Variants in ANO6 observed in about 807,000 individuals in gnomAD.
ANO6 encodes the protein anoctamin 6.
ANO6 carries 106 observed loss-of-function variants against 117.5 expected under a neutral mutation model. The observed-to-expected ratio is 0.90, with a 90% CI of 0.77 to 1.06. The LOEUF (loss-of-function observed/expected upper bound fraction) is 1.06. ANO6 is among the 50% of genes least tolerant of loss of function. The probability of loss-of-function intolerance (pLI) is 0.00; values close to 1 mark genes in which losing one functional copy is unlikely to be tolerated. For synonymous variants in ANO6, 367 were observed against 385.1 expected, an observed-to-expected ratio of 0.95 and a Z score of 0.55; for missense variants, 955 against 1,121.1, an observed-to-expected ratio of 0.85 and a Z score of 2.12.
At chr12:45,324,360 A>C (rs563233448) in intron 2 of ANO6, among the ~76,000 whole-genome samples, 1 of 152,330 alleles carries the variant, frequency 6.6e-6, no homozygotes, top group East Asian at 1.9e-4. Context: ...AAGGAAGAAA[A>C]GTAATATCTA....
chr12:45,272,864 T>C (rs975926142), intron 1 of ANO6, among the ~76,000 whole-genome samples: 2 of 152,188 alleles, frequency 1.3e-5, no homozygotes, highest in Non-Finnish European at 2.9e-5. Flanking sequence ...TTTGTGTTCA[T>C]TGCAGCATAA....
At chr12:45,356,713 G>T (rs1271929022) in intron 7 of ANO6, among the ~76,000 whole-genome samples, 1 of 152,084 alleles carries the variant, frequency 6.6e-6, no homozygotes, top group East Asian at 1.9e-4. Context: ...AGGGGTGATG[G>T]GGGAAAGAGG....
chr12:45,362,699 T>G (rs1941586058), intron 8 of ANO6, among the ~76,000 whole-genome samples: 1 of 152,164 alleles, frequency 6.6e-6, no homozygotes, highest in African/African-American at 2.4e-5. Flanking sequence ...TTATCTTTTT[T>G]TAGTGGCTTC....
chr12:45,370,690 T>G (rs1273311434), intron 9 of ANO6, among the ~76,000 whole-genome samples: 1 of 152,198 alleles, frequency 6.6e-6, no homozygotes, highest in African/African-American at 2.4e-5. Flanking sequence ...CATTAAAACT[T>G]AATTTGGAGA....
At chr12:45,422,918 A>C (rs1565771959) in intron 18 of ANO6, 39 bp from the exon 19 acceptor site, 1 of 1,467,618 alleles carries the variant, frequency 6.8e-7, no homozygotes, top group Non-Finnish European at 9.6e-7. Flanking sequence ...ATTCAGTCAA[A>C]AAGATTTGTC....
At chr12:45,322,468 G>A (rs1429402195) in intron 2 of ANO6, among the ~76,000 whole-genome samples, 2 of 152,166 alleles carry the variant, frequency 1.3e-5, no homozygotes, top group Non-Finnish European at 2.9e-5. Flanking sequence ...CAGATTATAA[G>A]GCATTTGAAA....
intron 1 of ANO6, among the ~76,000 whole-genome samples, chr12:45,301,609 C>G (rs1276489835): frequency 6.9e-6 from 1 of 144,244 alleles, no homozygotes; most frequent in Admixed American, 7.0e-5. Context: ...AGAGTGAGAC[C>G]TTGTCTCAAA....
chr12:45,397,088 C>G (rs1234987373), intron 12 of ANO6, among the ~76,000 whole-genome samples: 3 of 152,206 alleles, frequency 2.0e-5, no homozygotes, highest in African/African-American at 7.2e-5. Flanking sequence ...TTTTTGCAAT[C>G]TACCCATCTG....
chr12:45,390,199 C>T (rs1942405111), intron 11 of ANO6, among the ~76,000 whole-genome samples: 1 of 152,188 alleles, frequency 6.6e-6, no homozygotes, highest in Non-Finnish European at 1.5e-5. Context: ...ACAGTTTATT[C>T]ATGCTTGCAT....
intron 2 of ANO6, among the ~76,000 whole-genome samples, chr12:45,316,996 TATAAC>T (rs925810762): frequency 4.0e-4 from 59 of 148,816 alleles, no homozygotes; most frequent in African/African-American, 1.3e-3. Flanking sequence ...TTCATGTAAA[TATAAC>T]ATACACATTA....
intron 1 of ANO6, among the ~76,000 whole-genome samples, chr12:45,251,253 T>C (rs994451648): frequency 6.6e-6 from 1 of 152,196 alleles, no homozygotes; most frequent in Non-Finnish European, 1.5e-5. Context: ...CTTAGTTTCC[T>C]TAGAAGCAAA....
chr12:45,340,328 C>T (rs1420998528), intron 3 of ANO6, among the ~76,000 whole-genome samples: 2 of 152,112 alleles, frequency 1.3e-5, no homozygotes, highest in East Asian at 3.9e-4. Context: ...CCATTCTCCA[C>T]CATCAGTAAT....
At chr12:45,402,275 A>G (rs576030018) in intron 13 of ANO6, among the ~76,000 whole-genome samples, 7 of 152,318 alleles carry the variant, frequency 4.6e-5, no homozygotes, top group African/African-American at 7.2e-5. Flanking sequence ...AATATTTTCA[A>G]TTACATTAGA....
chr12:45,314,904 G>A (rs1162026977), intron 2 of ANO6, among the ~76,000 whole-genome samples: 2 of 152,094 alleles, frequency 1.3e-5, no homozygotes, highest in African/African-American at 4.8e-5. Context: ...TGTATTACAG[G>A]AGGGTGCCCA....
intron 7 of ANO6, among the ~76,000 whole-genome samples, chr12:45,356,879 T>C (rs1292599833): frequency 3.9e-5 from 6 of 152,248 alleles, no homozygotes; most frequent in Non-Finnish European, 8.8e-5. Flanking sequence ...TCCAAGGAAC[T>C]TCCCTAGTTA....
chr12:45,265,965 C>T (rs1346935374), intron 1 of ANO6, among the ~76,000 whole-genome samples: 1 of 152,186 alleles, frequency 6.6e-6, no homozygotes, highest in African/African-American at 2.4e-5. Flanking sequence ...GAACAATATA[C>T]TCAAGGATAA....
At chr12:45,416,271 G>A (rs1943209773) in intron 16 of ANO6, among the ~76,000 whole-genome samples, 1 of 151,766 alleles carries the variant, frequency 6.6e-6, no homozygotes, top group African/African-American at 2.4e-5. Context: ...CCTTCCCATG[G>A]GTCCATTTCT....
chr12:45,410,200 C>T (rs1194013443), intron 16 of ANO6, among the ~76,000 whole-genome samples: 1 of 152,242 alleles, frequency 6.6e-6, no homozygotes, highest in Non-Finnish European at 1.5e-5. Context: ...GTCAGTTAAG[C>T]AAGCCTGCAG....
At chr12:45,359,428 C>A (rs1193317857) in intron 8 of ANO6, among the ~76,000 whole-genome samples, 3 of 151,620 alleles carry the variant, frequency 2.0e-5, no homozygotes, top group African/African-American at 4.9e-5. Flanking sequence ...GAAACCAGTG[C>A]CCATTAGCAC....
Sources: allele counts gnomAD v4.1 joint callset (sites outside exome capture counted in the v4.1 genomes callset), GRCh38; gene constraint gnomAD v4.1.1; transcripts MANE v1.5; gene names NCBI Gene and HGNC (gene_info 2026-07-23, HGNC 2026-07-21).